CHCHD3: variants seen among roughly 807,000 people sequenced by gnomAD.
CHCHD3 encodes MICOS complex subunit MIC19.
A neutral mutation model predicts 38.2 loss-of-function variants in CHCHD3; 20 were observed. The ratio of observed to expected loss-of-function variants is 0.52; its 90% CI spans 0.37 to 0.76. The LOEUF (loss-of-function observed/expected upper bound fraction) is 0.76, where lower values mean the gene tolerates loss of function less well. Ranked by LOEUF, CHCHD3 falls within the 30% of genes least tolerant of loss-of-function variation. The probability of loss-of-function intolerance (pLI) is 0.00; values close to 1 mark genes in which losing one functional copy is unlikely to be tolerated. For missense variants in CHCHD3, 245 were observed against 279.2 expected (o/e 0.88, Z 0.87); for synonymous variants, 82 against 100.0 (o/e 0.82, Z 1.07).
chr7:132,942,300 T>C (rs1351299002), intron 4 of CHCHD3, among the ~76,000 whole-genome samples: 2 of 152,180 alleles, frequency 1.3e-5, no homozygotes, highest in Admixed American at 1.3e-4. Flanking sequence ...CACGGGTTGA[T>C]GTAATTATTG....
intron 4 of CHCHD3, among the ~76,000 whole-genome samples, chr7:132,934,981 C>T (rs778551200): frequency 2.6e-5 from 4 of 152,066 alleles, no homozygotes; most frequent in South Asian, 4.1e-4. Context: ...AATGAACATG[C>T]CTGGAATAAA....
intron 3 of CHCHD3, among the ~76,000 whole-genome samples, chr7:133,012,289 G>A (rs1242586555): frequency 1.3e-5 from 2 of 152,088 alleles, no homozygotes; most frequent in African/African-American, 4.8e-5. Flanking sequence ...TAAATCTACA[G>A]TAATATTAAT....
At chr7:132,936,391 T>G (rs1340299616) in intron 4 of CHCHD3, among the ~76,000 whole-genome samples, 1 of 152,174 alleles carries the variant, frequency 6.6e-6, no homozygotes, top group Non-Finnish European at 1.5e-5. Context: ...AAGCTTGCGG[T>G]TGCAAAAGGG....
Position 133,003,081 on chromosome 7 carries a change from T to C in CHCHD3, c.251+21465A>G, listed in dbSNP as rs183254988. 2.2e-3 allele frequency among the ~76,000 whole-genome samples: 340 copies of C among 152,284 alleles called. 2 individuals are homozygous for C. The highest frequency in any genetic ancestry group is 7.8e-3 in the African/African-American group (323 of 41,564). Reference sequence around the variant, plus strand: ...AAGCAGCCAAGGAGGTCAATTCGGATAGTTTATGAAAAATAAATCCTGAAA... The same window carrying C: ...AAGCAGCCAAGGAGGTCAATTCGGACAGTTTATGAAAAATAAATCCTGAAA... On this transcript the variant is annotated intron_variant, in intron 3 of 7. Coordinates refer to ENST00000262570, the MANE Select transcript of CHCHD3 (RefSeq NM_017812.4).
chr7:133,052,791 G>A (rs1814205461), intron 2 of CHCHD3, among the ~76,000 whole-genome samples: 1 of 152,176 alleles, frequency 6.6e-6, no homozygotes, highest in Admixed American at 6.5e-5. Flanking sequence ...TGTACAGAAA[G>A]GAGCCAACCT....
intron 3 of CHCHD3, among the ~76,000 whole-genome samples, chr7:133,014,576 CAAAT>C (rs1202537249): frequency 2.0e-5 from 3 of 150,610 alleles, no homozygotes; most frequent in Admixed American, 1.3e-4. Flanking sequence ...ATACAAAAGG[CAAAT>C]AAATACTAAC....
chr7:132,907,667 T>TG (rs573762808), intron 4 of CHCHD3, among the ~76,000 whole-genome samples: 9 of 152,162 alleles, frequency 5.9e-5, no homozygotes, highest in South Asian at 4.1e-4. Context: ...CTGTAGGCCA[T>TG]GGGGGGGCCG....
Position 132,824,387 on chromosome 7 carries a change from C to T in CHCHD3, c.524+14012G>A, listed in dbSNP as rs1265793174. ...AGGCTGGAGTGCAGTGGCATGATCT[C>T]GGCTCACTGCAAGCTACGCCTCCTG... On this transcript the variant is annotated intron_variant, in intron 6 of 7. Transcript: ENST00000262570. Among the ~76,000 whole-genome samples, 3 of 134,738 alleles carry T rather than the reference C, an allele frequency of 2.2e-5. No individual in the cohort carries two copies. In the South Asian group the frequency reaches 7.4e-4, roughly 33 times the overall value. The allele number at this position is 134,738 out of a possible 152,430, so 88.4% of individuals were successfully genotyped here.
chr7:132,834,947 C>CATTTATTTATTT (rs71529781), intron 6 of CHCHD3, among the ~76,000 whole-genome samples: 218 of 147,388 alleles, frequency 1.5e-3, no homozygotes, highest in South Asian at 5.4e-3. Context: ...TTTTTCCTCT[C>CATTTATTTATTT]ATTTATTTAT....
At chr7:133,009,459 G>C (rs912095131) in intron 3 of CHCHD3, among the ~76,000 whole-genome samples, 1 of 151,334 alleles carries the variant, frequency 6.6e-6, no homozygotes, top group East Asian at 1.9e-4. Flanking sequence ...TCTGGTGCCT[G>C]GAGAGAGCCC....
chr7:132,847,666 C>G (rs1233322716), intron 5 of CHCHD3, among the ~76,000 whole-genome samples: 1 of 152,208 alleles, frequency 6.6e-6, no homozygotes, highest in Non-Finnish European at 1.5e-5. Flanking sequence ...TGCACAGATA[C>G]ACATTATTGC....
At chr7:132,974,779 C>A (rs1199986375) in intron 4 of CHCHD3, among the ~76,000 whole-genome samples, 1 of 151,962 alleles carries the variant, frequency 6.6e-6, no homozygotes, top group East Asian at 1.9e-4. Flanking sequence ...GAGGCTGAGG[C>A]TGGAGAATCA....
intron 3 of CHCHD3, among the ~76,000 whole-genome samples, chr7:133,012,240 T>C: frequency 6.6e-6 from 1 of 152,216 alleles, no homozygotes; most frequent in East Asian, 1.9e-4. Flanking sequence ...CTGACAGATA[T>C]ATTCATAATG....
chr7:132,922,270 G>C (rs1271549656), intron 4 of CHCHD3, among the ~76,000 whole-genome samples: 1 of 152,120 alleles, frequency 6.6e-6, no homozygotes, highest in East Asian at 1.9e-4. Flanking sequence ...TAAGAAGGAA[G>C]AAGGGGGTTG....
rs150865115 is a variant in CHCHD3, at chr7:132,937,639, C to T, written c.369+37530G>A. On this transcript the variant is annotated intron_variant, in intron 4 of 7. Coordinates refer to ENST00000262570, the MANE Select transcript of CHCHD3 (RefSeq NM_017812.4). Reference sequence around the variant, plus strand: ...TATAATTGTATTCATAATGTCATTACCTGCCTTTCCTCACTGACTGAAATA... The same window carrying T: ...TATAATTGTATTCATAATGTCATTATCTGCCTTTCCTCACTGACTGAAATA... Among the ~76,000 whole-genome samples, 134 of 152,258 alleles carry T rather than the reference C, an allele frequency of 8.8e-4. No individual in the cohort carries two copies. In the Middle Eastern group the frequency reaches 0.031, roughly 35 times the overall value.
chr7:132,927,199 G>A (rs545727083), intron 4 of CHCHD3, among the ~76,000 whole-genome samples: 200 of 152,300 alleles, frequency 1.3e-3, no homozygotes, highest in African/African-American at 4.8e-3. Context: ...AGTATAGAAA[G>A]TGGTTTCACT....
intron 2 of CHCHD3, among the ~76,000 whole-genome samples, chr7:133,055,230 C>T (rs940650968): frequency 6.8e-6 from 1 of 146,578 alleles, no homozygotes; most frequent in Admixed American, 6.8e-5. Flanking sequence ...TATAATTTTG[C>T]ATATACTTAT....
intron 3 of CHCHD3, among the ~76,000 whole-genome samples, chr7:133,004,444 G>A (rs1812649656): frequency 6.6e-6 from 1 of 152,190 alleles, no homozygotes; most frequent in African/African-American, 2.4e-5. Context: ...AAAGCAAAAG[G>A]TAAGTGACAG....
intron 4 of CHCHD3, among the ~76,000 whole-genome samples, chr7:132,959,722 C>CAAAAAAAAAAAAAAAAAA (rs376282108): frequency 2.3e-5 from 1 of 44,140 alleles, no homozygotes. Context: ...AACTCCGTCT[C>CAAAAAAAAAAAAAAAAAA]AAAAAAAAAA....
Sources: allele counts gnomAD v4.1 joint callset (sites outside exome capture counted in the v4.1 genomes callset), GRCh38; gene constraint gnomAD v4.1.1; transcripts MANE v1.5; gene names NCBI Gene and HGNC (gene_info 2026-07-23, HGNC 2026-07-21).